VWC2: variants seen among roughly 807,000 people sequenced by gnomAD.
The protein encoded by VWC2 is von Willebrand factor C domain containing 2, also known as brorin.
In VWC2, 14 loss-of-function variants were observed where a neutral mutation model predicts 29.8. The observed-to-expected ratio is 0.47, with a 90% CI of 0.31 to 0.74. The LOEUF is 0.74. VWC2 is among the 30% of genes least tolerant of loss of function. The pLI is 0.05. For synonymous variants in VWC2, 213 were observed against 199.0 expected (o/e 1.07, Z -0.59); for missense variants, 457 against 459.8 (o/e 0.99, Z 0.05).
intron 3 of VWC2, among the ~76,000 whole-genome samples, chr7:49,823,774 T>C (rs1183166962): frequency 6.6e-6 from 1 of 152,186 alleles, no homozygotes; most frequent in Non-Finnish European, 1.5e-5. Flanking sequence ...CTTGGTTGCC[T>C]TGGTACTGAC....
intron 2 of VWC2, among the ~76,000 whole-genome samples, chr7:49,795,977 A>C (rs545690914): frequency 6.6e-6 from 1 of 152,058 alleles, no homozygotes; most frequent in African/African-American, 2.4e-5. Context: ...CAAGGAAGGG[A>C]GGGATTGGTA....
rs114289522 is a variant in VWC2 at position 49,801,620 on chromosome 7, G to A, written c.697-1091G>A. Among the ~76,000 whole-genome samples the A allele has an allele frequency of 4.9e-3, 749 of 152,326 alleles. 3 individuals are homozygous for A. The highest frequency in any genetic ancestry group is 0.017 in the African/African-American group (699 of 41,574). On this transcript the variant is annotated intron_variant, in intron 2 of 3. Transcript: ENST00000340652. ...GCCCATGGCTGGAAAGTAGAGAGAG[G>A]CAAATGGAAGCTTGGTTTCTAACAG...
At chr7:49,783,028 G>A (rs1247307881) in intron 2 of VWC2, among the ~76,000 whole-genome samples, 2 of 152,024 alleles carry the variant, frequency 1.3e-5, no homozygotes, top group East Asian at 1.9e-4. Context: ...AGGTAGCCAC[G>A]CCCTGGTCCA....
chr7:49,908,746 A>G (rs1389735936), intron 3 of VWC2, among the ~76,000 whole-genome samples: 1 of 152,196 alleles, frequency 6.6e-6, no homozygotes, highest in East Asian at 1.9e-4. Context: ...TTAGTTTAGA[A>G]ATGAAAGAAG....
At chr7:49,806,548 C>T (rs1788882774) in intron 3 of VWC2, among the ~76,000 whole-genome samples, 1 of 152,140 alleles carries the variant, frequency 6.6e-6, no homozygotes, top group African/African-American at 2.4e-5. Flanking sequence ...ACATTTATGA[C>T]ACTTTAAAGA....
intron 3 of VWC2, among the ~76,000 whole-genome samples, chr7:49,893,404 T>C (rs1248914260): frequency 6.6e-6 from 1 of 152,256 alleles, no homozygotes; most frequent in Non-Finnish European, 1.5e-5. Context: ...GCAGGCGTTT[T>C]CTTTTGATGA....
chr7:49,815,279 G>A (rs541144118), intron 3 of VWC2, among the ~76,000 whole-genome samples: 7 of 152,256 alleles, frequency 4.6e-5, no homozygotes, highest in Non-Finnish European at 7.4e-5. Context: ...GAGGGAGAGA[G>A]GGGGAAGAAG....
At chr7:49,775,311 T>G in intron 1 of VWC2, 22 bp from the exon 2 acceptor site, 1 of 629,812 alleles carries the variant, frequency 1.6e-6, no homozygotes, top group Non-Finnish European at 2.2e-6. Context: ...GGGGCTCAGT[T>G]GTGCTGCTGT....
chr7:49,812,584 T>A (rs1457362299), intron 3 of VWC2, among the ~76,000 whole-genome samples: 2 of 152,188 alleles, frequency 1.3e-5, no homozygotes, highest in African/African-American at 4.8e-5. Flanking sequence ...AAGAGTTTAT[T>A]TGAACAAAGG....
chr7:49,775,701 C>G lies in VWC2; in HGVS notation c.266C>G (p.Pro89Arg), dbSNP rs1350356959. ...KSGRGLAGRE[P>R]WSKLKQAWVS... is the part of the protein sequence containing the mutation. ...GGCCGTGGGCTCGCCGGCCGTGAGC[C>G]GTGGAGCAAGCTGAAGCAGGCCTGG... The change falls in exon 2 of 4, where the codon CCG becomes CGG. Residue 89 changes from proline (P) to arginine (R), a missense_variant. By Grantham distance (103) the Pro-to-Arg change is moderately radical (BLOSUM62 -2). This residue lies in a region of VWC2 where 272 missense variants were observed against 202.7 expected (regional missense o/e 1.34). Transcript: ENST00000340652. The G allele has an allele frequency of 6.6e-7, 1 of 1,524,438 alleles. No homozygotes were observed. Among genetic ancestry groups the G allele is most frequent in the Admixed American group, 2.0e-5 (1 of 49,004 alleles). 94.4% of individuals were successfully genotyped at this position (1,524,438 alleles called of 1,614,324 possible).
chr7:49,868,864 C>T (rs1382635291), intron 3 of VWC2, among the ~76,000 whole-genome samples: 1 of 152,238 alleles, frequency 6.6e-6, no homozygotes, highest in Non-Finnish European at 1.5e-5. Context: ...AGTGATCCAC[C>T]TGCCTCGGCC....
intron 2 of VWC2, among the ~76,000 whole-genome samples, chr7:49,795,818 G>A (rs1788575052): frequency 6.6e-6 from 1 of 152,196 alleles, no homozygotes; most frequent in Admixed American, 6.5e-5. Flanking sequence ...CATCATAGAT[G>A]TGACTGAGAG....
chr7:49,911,407 C>T (rs943270718), intron 3 of VWC2, among the ~76,000 whole-genome samples: 1 of 137,410 alleles, frequency 7.3e-6, no homozygotes, highest in African/African-American at 2.8e-5. Flanking sequence ...GCTTGAACCC[C>T]GGAGGCAGAG....
chr7:49,877,475 AAAAAAAATATAT>A lies in VWC2; in HGVS notation c.827-34557_827-34546del, dbSNP rs1183866245. 2.4e-3 allele frequency among the ~76,000 whole-genome samples: 44 copies of A among 17,990 alleles called. 4 individuals are homozygous for A. In the South Asian group the frequency reaches 0.032, roughly 13 times the overall value. 11.8% of individuals were successfully genotyped at this position (17,990 alleles called of 152,430 possible). On this transcript the variant is annotated intron_variant, in intron 3 of 3. Transcript: ENST00000340652. ...GAAACTCTGTCTCAAAAAAAAAAAAAAAAAAAATATATATATATATATATATATATATATATA... is the reference window on the plus strand; with the variant it reads ...GAAACTCTGTCTCAAAAAAAAAAAAAATATATATATATATATATATATATA...
At chr7:49,876,016 G>A (rs1213323630) in intron 3 of VWC2, among the ~76,000 whole-genome samples, 1 of 152,144 alleles carries the variant, frequency 6.6e-6, no homozygotes, top group Non-Finnish European at 1.5e-5. Flanking sequence ...ATGGACCCAG[G>A]CAATATTCTC....
intron 2 of VWC2, among the ~76,000 whole-genome samples, chr7:49,800,680 A>C (rs1336101709): frequency 6.6e-6 from 1 of 151,950 alleles, no homozygotes; most frequent in Non-Finnish European, 1.5e-5. Flanking sequence ...CTTGCAACTC[A>C]AGGTCTTGGC....
At chr7:49,777,587 AC>A (rs1346504900) in intron 2 of VWC2, among the ~76,000 whole-genome samples, 1 of 152,208 alleles carries the variant, frequency 6.6e-6, no homozygotes, top group Non-Finnish European at 1.5e-5. Flanking sequence ...CTCCAGGCAT[AC>A]ATTGCTTAAG....
chr7:49,788,954 TGTGTGTGCATGA>T (rs1046605837), intron 2 of VWC2, among the ~76,000 whole-genome samples: 3 of 143,894 alleles, frequency 2.1e-5, no homozygotes, highest in Non-Finnish European at 4.5e-5. Context: ...TGTGGGTGCA[TGTGTGTGCATGA>T]GTGTGTGTGA....
intron 3 of VWC2, among the ~76,000 whole-genome samples, chr7:49,864,267 A>C (rs1205510277): frequency 1.3e-5 from 2 of 151,400 alleles, no homozygotes; most frequent in East Asian, 3.8e-4. Flanking sequence ...AAGACAAAGA[A>C]GGAGGGAGGA....
Sources: allele counts gnomAD v4.1 joint callset (sites outside exome capture counted in the v4.1 genomes callset), GRCh38; gene constraint gnomAD v4.1.1; regional missense constraint gnomAD v4.1.1; transcripts MANE v1.5; gene names NCBI Gene and HGNC (gene_info 2026-07-23, HGNC 2026-07-21).